Variants in TSPAN2 observed in about 807,000 individuals in gnomAD.
The protein encoded by TSPAN2 is tetraspanin-2.
In TSPAN2, 24 loss-of-function variants were observed where a neutral mutation model predicts 33.3. That is an observed-to-expected ratio of 0.72 (90% confidence interval 0.52 to 1.01). The LOEUF is 1.01. TSPAN2 is among the 50% of genes least tolerant of loss of function. The probability of loss-of-function intolerance (pLI) is 0.00; values close to 1 mark genes in which losing one functional copy is unlikely to be tolerated. For synonymous variants in TSPAN2, 114 were observed against 104.5 expected, an observed-to-expected ratio of 1.09 and a Z score of -0.56; for missense variants, 278 against 281.3, an observed-to-expected ratio of 0.99 and a Z score of 0.08.
At chr1:115,075,273 C>T (rs779425909) in intron 1 of TSPAN2, among the ~76,000 whole-genome samples, 2 of 152,166 alleles carry the variant, frequency 1.3e-5, no homozygotes, top group African/African-American at 2.4e-5. Context: ...TCATCCATGC[C>T]CCTAACCCCC....
chr1:115,083,594 G>C (rs1031124265), intron 1 of TSPAN2, among the ~76,000 whole-genome samples: 1 of 152,204 alleles, frequency 6.6e-6, no homozygotes, highest in African/African-American at 2.4e-5. Context: ...TCACCTGGGA[G>C]CTTGTTAGAA....
intron 4 of TSPAN2, among the ~76,000 whole-genome samples, chr1:115,059,446 T>C (rs1647577190): frequency 6.6e-6 from 1 of 152,222 alleles, no homozygotes; most frequent in Non-Finnish European, 1.5e-5. Flanking sequence ...CAAGCCCAAC[T>C]GGGCTTCAGC....
Position 115,072,910 on chromosome 1 carries a change from T to C in TSPAN2, c.167A>G (p.Tyr56Cys), listed in dbSNP as rs748918119. Reference protein sequence around the residue: ...SSEDKSPEYFYVGLYVLVGAG... With the variant: ...SSEDKSPEYFCVGLYVLVGAG... ...AGGAAGCTGGAGTCACTCACCCACA[T>C]AGAAATACTCTGGGGACTTGTCCTC... Residue 56 changes from tyrosine (Y) to cysteine (C), a missense_variant, in exon 2 of 8, where the codon TAT (tyrosine) becomes TGT (cysteine). By Grantham distance (194) the Tyr-to-Cys change is radical. Transcript: ENST00000369516. 91 of 1,612,590 alleles carry C rather than the reference T, an allele frequency of 5.6e-5. No homozygotes were observed. Among genetic ancestry groups the C allele is most frequent in the Non-Finnish European group, 7.2e-5 (85 of 1,178,748 alleles).
chr1:115,080,141 G>C lies in TSPAN2; in HGVS notation c.70-7134C>G, dbSNP rs149495576. ...AAAGCTTGCTGCAAATGATAGAGCA[G>C]ATAATTTACATATAGACAGTGGAAA... On this transcript the variant is annotated intron_variant, in intron 1 of 7. Transcript: ENST00000369516. Among the ~76,000 whole-genome samples, 481 of 152,300 alleles carry C rather than the reference G, an allele frequency of 3.2e-3. 3 individuals carry two copies. The highest frequency in any genetic ancestry group is 4.9e-3 in the Admixed American group (75 of 15,290).
At chr1:115,060,354 T>C in intron 4 of TSPAN2, 110 bp downstream of exon 4, 1 of 873,648 alleles carries the variant, frequency 1.1e-6, no homozygotes, top group South Asian at 1.7e-5. Flanking sequence ...TAAAAAGTTC[T>C]GTTTAAACTA....
At chr1:115,086,225 CCT>C (rs1212230757) in intron 1 of TSPAN2, among the ~76,000 whole-genome samples, 1 of 152,228 alleles carries the variant, frequency 6.6e-6, no homozygotes, top group African/African-American at 2.4e-5. Context: ...CCCTCTTAAT[CCT>C]CTCAATATTT....
intron 4 of TSPAN2, among the ~76,000 whole-genome samples, chr1:115,059,318 T>A (rs1647568477): frequency 6.6e-6 from 1 of 152,198 alleles, no homozygotes; most frequent in Non-Finnish European, 1.5e-5. Flanking sequence ...TATTTTAGGA[T>A]AATTCAGCAA....
chr1:115,088,006 C>T (rs1243224895), intron 1 of TSPAN2, among the ~76,000 whole-genome samples: 1 of 152,228 alleles, frequency 6.6e-6, no homozygotes, highest in Admixed American at 6.5e-5. Context: ...TAATTAACAG[C>T]TTCTGAAATT....
At position 115,057,548 on chromosome 1, in the gene TSPAN2, G is replaced by A. The variant is rs1490159117; in HGVS notation, c.505C>T (p.Leu169=). Residue 169 remains leucine (L), a synonymous_variant, in exon 6 of 8, where the codon CTA becomes TTA. Coordinates refer to ENST00000369516, the MANE Select transcript of TSPAN2 (RefSeq NM_005725.6). The stretch of plus-strand genomic sequence containing the variant: ...TGGTAGAAGCTTACCTTGTGTCCTA[G>A]AAGCTCCTTTGGGCATGTAGGTTGG... The part of the protein sequence containing the change: ...QVQPTCPKEL[L]GHKNCIDEIE... 1 of 1,614,088 alleles carries A rather than the reference G, an allele frequency of 6.2e-7. No homozygotes were observed.
At chr1:115,086,312 GC>G (rs1005091472) in intron 1 of TSPAN2, among the ~76,000 whole-genome samples, 4 of 152,188 alleles carry the variant, frequency 2.6e-5, no homozygotes, top group African/African-American at 9.7e-5. Context: ...CCCTGTTTGT[GC>G]AGGCACGCCC....
chr1:115,072,322 A>G (rs1648212239), intron 2 of TSPAN2, among the ~76,000 whole-genome samples: 1 of 151,196 alleles, frequency 6.6e-6, no homozygotes, highest in Admixed American at 6.6e-5. Flanking sequence ...CTCTCCCTCC[A>G]TCCCTCCTCT....
At chr1:115,073,144 G>C (rs1245401062) in intron 1 of TSPAN2, 137 bp from the exon 2 acceptor site, 3 of 721,732 alleles carry the variant, frequency 4.2e-6, no homozygotes, top group Non-Finnish European at 7.3e-6. Context: ...TTTTATAGGG[G>C]AGAAAATGAA....
chr1:115,081,627 T>A (rs186983057), intron 1 of TSPAN2, among the ~76,000 whole-genome samples: 1 of 152,326 alleles, frequency 6.6e-6, no homozygotes, highest in Non-Finnish European at 1.5e-5. Flanking sequence ...GCAAGCCACT[T>A]AACCTCTCTA....
intron 2 of TSPAN2, 77 bp from the exon 3 acceptor site, chr1:115,062,309 G>C: frequency 1.9e-6 from 2 of 1,051,116 alleles, no homozygotes; most frequent in Non-Finnish European, 2.9e-6. Context: ...AAGACTCTGG[G>C]CACTGCAGAG....
chr1:115,050,605 G>GT, intron 7 of TSPAN2, 50 bp from the exon 8 acceptor site: 1 of 1,535,844 alleles, frequency 6.5e-7, no homozygotes, highest in Non-Finnish European at 9.0e-7. Flanking sequence ...GTACTGATAG[G>GT]TAAAAAGTTC....
intron 2 of TSPAN2, 107 bp downstream of exon 2, chr1:115,072,798 C>T (rs1240980744): frequency 6.3e-6 from 6 of 958,272 alleles, no homozygotes; most frequent in Non-Finnish European, 9.8e-6. Context: ...CTTTCCCTGC[C>T]TCTCTGCCCT....
intron 6 of TSPAN2, among the ~76,000 whole-genome samples, chr1:115,056,397 C>T (rs1329940023): frequency 6.6e-6 from 1 of 152,122 alleles, no homozygotes; most frequent in Non-Finnish European, 1.5e-5. Flanking sequence ...AGCACGTCAC[C>T]AGTTGGTTCC....
Position 115,089,488 on chromosome 1 carries a change from A to C in TSPAN2, c.-56T>G, listed in dbSNP as rs1012435413. 19 of 1,270,730 alleles carry C rather than the reference A, an allele frequency of 1.5e-5. No individual in the cohort carries two copies. The highest frequency in any genetic ancestry group is 1.8e-5 in the Non-Finnish European group (18 of 986,594). The allele number at this position is 1,270,730 out of a possible 1,614,324, so 78.7% of individuals were successfully genotyped here. A position where few individuals can be genotyped will look rare whatever the true frequency, so the allele number is the denominator to read the frequency against. ...CCAGGCCCGCGCTACGAGCGCGGGG[A>C]GCGGCAGGCTCCGGCGGGGAGGGGG... On this transcript the variant is annotated 5_prime_UTR_variant, in exon 1 of 8. Coordinates refer to ENST00000369516, the MANE Select transcript of TSPAN2 (RefSeq NM_005725.6).
intron 2 of TSPAN2, among the ~76,000 whole-genome samples, chr1:115,066,856 C>A (rs994120010): frequency 1.3e-5 from 2 of 152,180 alleles, no homozygotes; most frequent in African/African-American, 4.8e-5. Flanking sequence ...ACTGGTTGAG[C>A]ATTCCTAATC....
Sources: gnomAD v4.1 joint callset for allele counts (sites outside exome capture counted in the v4.1 genomes callset) on GRCh38, gnomAD v4.1.1 for gene constraint, MANE v1.5 for transcripts, NCBI Gene and HGNC (gene_info 2026-07-23, HGNC 2026-07-21) for gene names.